SGSM1: variants seen among roughly 807,000 people sequenced by gnomAD.
The protein encoded by SGSM1 is small G protein signaling modulator 1.
In SGSM1, 73 loss-of-function variants were observed where a neutral mutation model predicts 133.8. The ratio of observed to expected loss-of-function variants is 0.55; its 90% CI spans 0.45 to 0.66. The LOEUF (loss-of-function observed/expected upper bound fraction) is 0.66. Ranked by LOEUF, SGSM1 falls within the 30% of genes least tolerant of loss-of-function variation. The pLI is 0.00. For synonymous variants in SGSM1, 563 were observed against 573.0 expected (o/e 0.98, Z 0.25); for missense variants, 1,213 against 1,448.1 (o/e 0.84, Z 2.64).
intron 17 of SGSM1, among the ~76,000 whole-genome samples, chr22:24,894,431 CA>C: frequency 6.6e-6 from 1 of 152,170 alleles, no homozygotes; most frequent in East Asian, 1.9e-4. Context: ...TGATATCAGT[CA>C]TCAATTGCCA....
At chr22:24,896,543 G>A (rs954013315) in intron 18 of SGSM1, among the ~76,000 whole-genome samples, 1 of 151,398 alleles carries the variant, frequency 6.6e-6, no homozygotes, top group Non-Finnish European at 1.5e-5. Flanking sequence ...AGTATTTCAT[G>A]TATATCTAAC....
intron 23 of SGSM1, among the ~76,000 whole-genome samples, chr22:24,918,954 T>C (rs1933912450): frequency 6.6e-6 from 1 of 151,586 alleles, no homozygotes; most frequent in South Asian, 2.1e-4. Flanking sequence ...TTGGCCAGGC[T>C]GGTCTCAAAC....
At chr22:24,845,086 G>C (rs939783447) in intron 3 of SGSM1, 114 bp downstream of exon 3, 23 of 924,012 alleles carry the variant, frequency 2.5e-5, no homozygotes, top group Non-Finnish European at 3.4e-5. Flanking sequence ...GGATTCCAGA[G>C]GGGGACTCGA....
At chr22:24,847,566 C>T in intron 3 of SGSM1, 68 bp from the exon 4 acceptor site, 1 of 1,554,952 alleles carries the variant, frequency 6.4e-7, no homozygotes, top group Non-Finnish European at 8.7e-7. Context: ...CTGACAGAAG[C>T]TCTGGGACAT....
intron 21 of SGSM1, among the ~76,000 whole-genome samples, chr22:24,906,085 C>T (rs1933367366): frequency 6.6e-6 from 1 of 152,130 alleles, no homozygotes; most frequent in African/African-American, 2.4e-5. Flanking sequence ...TAGGGCTTAT[C>T]TCCAGAATGC....
rs56027362 is a variant in SGSM1, at chr22:24,899,518, C to CT, written c.2610+977dup. Among the ~76,000 whole-genome samples, 1,189 of 133,864 alleles carry CT rather than the reference C, an allele frequency of 8.9e-3. 5 individuals carry two copies. The highest frequency in any genetic ancestry group is 0.013 in the Non-Finnish European group (825 of 62,636). The allele number at this position is 133,864 out of a possible 152,430, so 87.8% of individuals were successfully genotyped here. Reference sequence around the variant, plus strand: ...CTTCCACATTTTTTGCTTTTCTTTTCTTTTTTTTTTTTTTTTTTAATTGAG... The same window carrying CT: ...CTTCCACATTTTTTGCTTTTCTTTTCTTTTTTTTTTTTTTTTTTTAATTGAG... On this transcript the variant is annotated intron_variant, in intron 19 of 24. Transcript: ENST00000400358.
intron 2 of SGSM1, among the ~76,000 whole-genome samples, chr22:24,829,068 C>T (rs865905423): frequency 2.6e-5 from 4 of 151,980 alleles, no homozygotes; most frequent in Middle Eastern, 6.8e-3. Flanking sequence ...TGGTGGCGGG[C>T]GCCTGTAGTC....
intron 2 of SGSM1, chr22:24,813,670 T>G (rs1927888814): frequency 6.6e-6 from 1 of 152,250 alleles, no homozygotes; most frequent in African/African-American, 2.4e-5. Context: ...GTTTTGATGC[T>G]TTTTCAGGTC....
chr22:24,886,090 A>G (rs1932580111), intron 15 of SGSM1, among the ~76,000 whole-genome samples: 1 of 152,126 alleles, frequency 6.6e-6, no homozygotes, highest in Non-Finnish European at 1.5e-5. Context: ...AAGTTAGCTC[A>G]GGGTGGCCAG....
At chr22:24,841,407 A>G (rs573384572) in intron 2 of SGSM1, among the ~76,000 whole-genome samples, 5 of 152,200 alleles carry the variant, frequency 3.3e-5, no homozygotes, top group Admixed American at 6.5e-5. Context: ...TTCCATGTGC[A>G]CTTGAGAAAA....
intron 23 of SGSM1, among the ~76,000 whole-genome samples, chr22:24,918,197 T>C (rs911456670): frequency 2.0e-5 from 3 of 152,234 alleles, no homozygotes; most frequent in Admixed American, 6.5e-5. Flanking sequence ...TTTGGGGTGA[T>C]GTTAATAATT....
rs1212409388 is a variant in SGSM1 at position 24,925,583 on chromosome 22, C to T, written c.*1309C>T. ...CCTGCTCAGAGTCCCCCAGGCAGGG[C>T]AGAGTCTGTATCCTGCTGCCATCTT... On this transcript the variant is annotated 3_prime_UTR_variant, in exon 25 of 25. Transcript: ENST00000400358. 4 of 152,210 alleles carry T rather than the reference C, an allele frequency of 2.6e-5. No individual in the cohort carries two copies. Among genetic ancestry groups the T allele is most frequent in the Non-Finnish European group, 5.9e-5 (4 of 68,060 alleles). The allele number at this position is 152,210 out of a possible 1,614,324, so 9.4% of individuals were successfully genotyped here. A position where few individuals can be genotyped will look rare whatever the true frequency, so the allele number is the denominator to read the frequency against.
At chr22:24,864,492 A>C (rs945368896) in intron 9 of SGSM1, among the ~76,000 whole-genome samples, 1 of 152,262 alleles carries the variant, frequency 6.6e-6, no homozygotes, top group Admixed American at 6.5e-5. Context: ...TTACTTGTCT[A>C]TAAAAAGAGA....
At chr22:24,916,420 C>T (rs1250260711) in intron 22 of SGSM1, among the ~76,000 whole-genome samples, 6 of 152,110 alleles carry the variant, frequency 3.9e-5, no homozygotes, top group East Asian at 1.9e-4. Flanking sequence ...AGGCCAGGCA[C>T]GGTGGCTCAC....
chr22:24,921,452 C>T (rs940815284), intron 24 of SGSM1, among the ~76,000 whole-genome samples: 1 of 152,136 alleles, frequency 6.6e-6, no homozygotes, highest in Non-Finnish European at 1.5e-5. Context: ...CTATAACTTA[C>T]TGAACCATTT....
chr22:24,817,005 A>G (rs1159217840), intron 2 of SGSM1, among the ~76,000 whole-genome samples: 1 of 152,010 alleles, frequency 6.6e-6, no homozygotes, highest in Non-Finnish European at 1.5e-5. Context: ...CCACTTGGTC[A>G]TGGGGGGGTG....
At chr22:24,895,361 G>A in intron 18 of SGSM1, 70 bp downstream of exon 18, 1 of 1,481,924 alleles carries the variant, frequency 6.7e-7, no homozygotes. Context: ...TGGGGGTTGG[G>A]TGTCCGTCAT....
chr22:24,832,996 G>A (rs1475880236), intron 2 of SGSM1, among the ~76,000 whole-genome samples: 6 of 151,346 alleles, frequency 4.0e-5, no homozygotes, highest in Admixed American at 6.6e-5. Flanking sequence ...AGACAGTGGC[G>A]CGATCTTGGC....
At chr22:24,892,639 A>G (rs1932834578) in intron 16 of SGSM1, among the ~76,000 whole-genome samples, 1 of 152,128 alleles carries the variant, frequency 6.6e-6, no homozygotes, top group African/African-American at 2.4e-5. Context: ...CTTGTATTCC[A>G]TATGGCTAGT....
Sources: allele counts gnomAD v4.1 joint callset (sites outside exome capture counted in the v4.1 genomes callset), GRCh38; gene constraint gnomAD v4.1.1; transcripts MANE v1.5; gene names NCBI Gene and HGNC (gene_info 2026-07-23, HGNC 2026-07-21).